SHLD3: variants seen among roughly 807,000 people sequenced by gnomAD.
SHLD3 encodes the protein REV7-interacting novel NHEJ regulator 1.
In SHLD3, 15 loss-of-function variants were observed where a neutral mutation model predicts 21.4. The observed-to-expected ratio is 0.70, with a 90% CI of 0.47 to 1.08. The LOEUF (loss-of-function observed/expected upper bound fraction) is 1.08. Among genes scored for constraint, SHLD3 ranks in the 50% least tolerant of loss-of-function variants. SHLD3 has a pLI of 0.00. For synonymous variants in SHLD3, 103 were observed against 97.2 expected, an observed-to-expected ratio of 1.06 and a Z score of -0.35; for missense variants, 273 against 286.1, an observed-to-expected ratio of 0.95 and a Z score of 0.33.
In SHLD3 at chr5:65,629,989, T is replaced by C; in HGVS notation, c.402T>C (p.Ile134=). The C allele has an allele frequency of 3.3e-6, 5 of 1,535,910 alleles. No homozygotes were observed. The highest frequency in any genetic ancestry group is 4.4e-6 in the Non-Finnish European group (5 of 1,146,804). ...GKQHKRRSWS[I]SLPSNNCTKN... is the part of the protein sequence containing the mutation. ...AGCACAAGAGGAGATCTTGGAGTATTTCCCTTCCCAGCAATAATTGTACTA... is the reference window on the plus strand; with the variant it reads ...AGCACAAGAGGAGATCTTGGAGTATCTCCCTTCCCAGCAATAATTGTACTA... Residue 134 remains isoleucine (I), a synonymous_variant, in exon 2 of 2, where the codon ATT becomes ATC. Transcript: ENST00000510585.
chr5:65,626,259 C>T (rs771929149), intron 1 of SHLD3: 14 of 152,198 alleles, frequency 9.2e-5, no homozygotes, highest in Admixed American at 2.0e-4. Context: ...TCCAAGATCA[C>T]ATAGCTAGTG....
At chr5:65,627,701 A>G (rs149364841) in intron 1 of SHLD3, among the ~76,000 whole-genome samples, 2 of 152,280 alleles carry the variant, frequency 1.3e-5, no homozygotes, top group East Asian at 3.9e-4. Flanking sequence ...TCAGTGCCAT[A>G]TTTTACAATG....
Position 65,629,870 on chromosome 5 carries a change from C to T in SHLD3, c.283C>T (p.Pro95Ser). 1 of 1,536,014 alleles carries T rather than the reference C, an allele frequency of 6.5e-7. No homozygotes were observed. Among genetic ancestry groups the T allele is most frequent in the Non-Finnish European group, 8.7e-7 (1 of 1,146,872 alleles). ...CACAGTAGATCTATTGGAGTTTCAA[C>T]CTAGCTTGAAAAAGCAGCATTTAAC... ...DCTVDLLEFQ[P>S]SLKKQHLTWS... The change falls in exon 2 of 2, where the codon CCT becomes TCT. Residue 95 changes from proline (P) to serine (S), a missense_variant. Physicochemically the swap from Pro to Ser is moderately conservative, Grantham distance 74. Transcript: ENST00000510585.
intron 1 of SHLD3, among the ~76,000 whole-genome samples, chr5:65,628,751 A>G (rs191382306): frequency 6.6e-6 from 1 of 152,012 alleles, no homozygotes; most frequent in African/African-American, 2.4e-5. Flanking sequence ...GATTACAGGC[A>G]TGAGCCACCG....
intron 1 of SHLD3, among the ~76,000 whole-genome samples, chr5:65,628,269 T>C (rs1283940018): frequency 6.6e-6 from 1 of 152,160 alleles, no homozygotes; most frequent in Non-Finnish European, 1.5e-5. Context: ...TCAAAAGCCA[T>C]GGTATTGGGG....
In SHLD3 at chr5:65,630,039, A is replaced by C; in HGVS notation, c.452A>C (p.Lys151Thr). 1.3e-6 allele frequency: 2 copies of C among 1,536,098 alleles called. No individual in the cohort carries two copies. The highest frequency in any genetic ancestry group is 1.7e-6 in the Non-Finnish European group (2 of 1,146,880). Residue 151 changes from lysine to threonine, a missense_variant, in exon 2 of 2, where the codon AAA becomes ACA. Coordinates refer to ENST00000510585, the MANE Select transcript of SHLD3 (RefSeq NM_001365341.2). ...CTKNVSPLSK[K>T]LQDSLKALNL... ...AAAAACGTTTCTCCTTTGTCTAAAAAATTGCAAGATAGTTTAAAGGCACTA... is the reference window on the plus strand; with the variant it reads ...AAAAACGTTTCTCCTTTGTCTAAAACATTGCAAGATAGTTTAAAGGCACTA...
chr5:65,626,233 G>T (rs949643753), intron 1 of SHLD3: 1 of 152,196 alleles, frequency 6.6e-6, no homozygotes, highest in African/African-American at 2.4e-5. Context: ...TTAATTCTCA[G>T]AGTTTAAGTA....
intron 1 of SHLD3, chr5:65,625,598 T>C (rs1235654716): frequency 6.5e-6 from 1 of 153,158 alleles, no homozygotes; most frequent in Non-Finnish European, 1.5e-5. Context: ...TTCAAATCAC[T>C]GTGTATGTGG....
chr5:65,630,352 G>A lies in SHLD3; in HGVS notation c.*12G>A, dbSNP rs887262297. On this transcript the variant is annotated 3_prime_UTR_variant, in exon 2 of 2. Transcript: ENST00000510585. ...TTTTTAGTATGTAATGAATTCCACT[G>A]ATTGTCAAAAAGAATATTCTGAATG... is the stretch of plus-strand genomic sequence containing the variant. 9.5e-6 allele frequency: 14 copies of A among 1,473,150 alleles called. No individual in the cohort carries two copies. Among genetic ancestry groups the A allele is most frequent in the Admixed American group, 2.4e-5 (1 of 41,694 alleles). The allele number at this position is 1,473,150 out of a possible 1,614,324, so 91.3% of individuals were successfully genotyped here. A position where few individuals can be genotyped will look rare whatever the true frequency, so the allele number is the denominator to read the frequency against.
At position 65,625,029 on chromosome 5, in the gene SHLD3, C is replaced by T. The variant is rs779836955; in HGVS notation, c.-198C>T. 1 of 1,604,558 alleles carries T rather than the reference C, an allele frequency of 6.2e-7. No individual in the cohort carries two copies. The highest frequency in any genetic ancestry group is 8.5e-7 in the Non-Finnish European group (1 of 1,171,334). ...GGGGCAAGTTGAACCTGTCCAGCCC[C>T]CGTAGGCTGTGGGTCAAAAGTGCCG... On this transcript the variant is annotated 5_prime_UTR_variant, in exon 1 of 2. Transcript: ENST00000510585.
rs367936674 is a variant in SHLD3, at chr5:65,625,162, T to C, written c.-121+56T>C. The stretch of plus-strand genomic sequence containing the variant: ...TCTGTTTCCTTGCATTCCCTACTTA[T>C]CGAAGCCTTTGCCATGTAGGCCTCA... On this transcript the variant is annotated intron_variant, in intron 1 of 1. Transcript: ENST00000510585. 8.2e-5 allele frequency: 119 copies of C among 1,453,404 alleles called. No homozygotes were observed. In the African/African-American group the frequency reaches 1.0e-3, roughly 12 times the overall value. The allele number at this position is 1,453,404 out of a possible 1,614,324, so 90.0% of individuals were successfully genotyped here.
In SHLD3 at chr5:65,629,530, T is replaced by G; in HGVS notation, c.-58T>G. ...TGCAATAATAAATTAACATTCTAGCTCTGAGGAGTTCAACTAAGAAATTTT... is the reference window on the plus strand; with the variant it reads ...TGCAATAATAAATTAACATTCTAGCGCTGAGGAGTTCAACTAAGAAATTTT... On this transcript the variant is annotated 5_prime_UTR_variant, in exon 2 of 2. Coordinates refer to ENST00000510585, the MANE Select transcript of SHLD3 (RefSeq NM_001365341.2). 4.1e-6 allele frequency: 6 copies of G among 1,467,610 alleles called. No homozygotes were observed. The highest frequency in any genetic ancestry group is 4.5e-6 in the Non-Finnish European group (5 of 1,115,540). 90.9% of individuals were successfully genotyped at this position (1,467,610 alleles called of 1,614,324 possible).
rs117529850 is a variant in SHLD3, at chr5:65,628,533, C to T, written c.-120-935C>T. On this transcript the variant is annotated intron_variant, in intron 1 of 1. Transcript: ENST00000510585. ...GGAGTGCAATGGGAGTACGATGGCG[C>T]GATCTCAGTTCACTGCAAACCTCAA... Among the ~76,000 whole-genome samples, 85 of 150,916 alleles carry T rather than the reference C, an allele frequency of 5.6e-4. No homozygotes were observed. The East Asian group carries it at 0.014, about 25-fold the overall frequency.
At chr5:65,628,526 G>A (rs996839551) in intron 1 of SHLD3, among the ~76,000 whole-genome samples, 12 of 150,330 alleles carry the variant, frequency 8.0e-5, no homozygotes, top group African/African-American at 2.9e-4. Flanking sequence ...ATGGGAGTAC[G>A]ATGGCGCGAT....
Position 65,629,832 on chromosome 5 carries a change from A to C in SHLD3, c.245A>C (p.His82Pro). The change falls in exon 2 of 2, where the codon CAC (histidine) becomes CCC (proline). Residue 82 changes from histidine (H) to proline (P), a missense_variant. His to Pro is a moderately conservative substitution (Grantham distance 77, BLOSUM62 -2). Transcript: ENST00000510585. ...LTISEHDAKS[H>P]SYDCTVDLLE... ...ATTTCAGAACATGATGCTAAGTCAC[A>C]CAGTTATGATTGCACAGTAGATCTA... The C allele has an allele frequency of 6.5e-7, 1 of 1,536,108 alleles. No homozygotes were observed. Among genetic ancestry groups the C allele is most frequent in the Non-Finnish European group, 8.7e-7 (1 of 1,146,896 alleles).
intron 1 of SHLD3, among the ~76,000 whole-genome samples, chr5:65,628,987 T>G (rs1469948418): frequency 1.3e-5 from 2 of 152,056 alleles, no homozygotes; most frequent in African/African-American, 2.4e-5. Flanking sequence ...CCAGCTAATT[T>G]TTTTTTGTAT....
intron 1 of SHLD3, among the ~76,000 whole-genome samples, chr5:65,628,616 C>A (rs1755362213): frequency 6.6e-6 from 1 of 151,854 alleles, no homozygotes; most frequent in South Asian, 2.1e-4. Context: ...GGATTACAGG[C>A]ACACGCCACC....
Position 65,630,556 on chromosome 5 carries a change from C to G in SHLD3, c.*216C>G. The G allele has an allele frequency of 8.2e-7, 1 of 1,219,358 alleles. No individual in the cohort carries two copies. The highest frequency in any genetic ancestry group is 1.0e-6 in the Non-Finnish European group (1 of 978,714). The allele number at this position is 1,219,358 out of a possible 1,614,324, so 75.5% of individuals were successfully genotyped here. A position where few individuals can be genotyped will look rare whatever the true frequency, so the allele number is the denominator to read the frequency against. On this transcript the variant is annotated 3_prime_UTR_variant, in exon 2 of 2. Transcript: ENST00000510585. Reference sequence around the variant, plus strand: ...CACTGAATTTGAAGGTAAAAATGTTCTGTTCCTTTTGTTACAAACTGTGAT... The same window carrying G: ...CACTGAATTTGAAGGTAAAAATGTTGTGTTCCTTTTGTTACAAACTGTGAT...
chr5:65,629,115 A>T (rs1461375244), intron 1 of SHLD3, among the ~76,000 whole-genome samples: 1 of 152,228 alleles, frequency 6.6e-6, no homozygotes, highest in African/African-American at 2.4e-5. Context: ...ATATGAAAAC[A>T]ATATTTTAAG....
Sources: gnomAD v4.1 joint callset for allele counts (sites outside exome capture counted in the v4.1 genomes callset) on GRCh38, gnomAD v4.1.1 for gene constraint, MANE v1.5 for transcripts, NCBI Gene and HGNC (gene_info 2026-07-23, HGNC 2026-07-21) for gene names.